The following CCSER1 variants were observed in gnomAD, a reference collection of about 807,000 sequenced individuals.
CCSER1 encodes serine-rich coiled-coil domain-containing protein 1.
Under a neutral mutation model 82.0 loss-of-function variants are expected in CCSER1, and 41 were observed. The ratio of observed to expected loss-of-function variants is 0.50; its 90% CI spans 0.39 to 0.65. The LOEUF is 0.65. Ranked by LOEUF, CCSER1 falls within the 30% of genes least tolerant of loss-of-function variation. CCSER1 has a pLI of 0.00. For missense variants in CCSER1, 1,119 were observed against 1,064.2 expected, an observed-to-expected ratio of 1.05 and a Z score of -0.72; for synonymous variants, 414 against 383.9, an observed-to-expected ratio of 1.08 and a Z score of -0.92.
intron 6 of CCSER1, among the ~76,000 whole-genome samples, chr4:90,665,751 C>G (rs1731652726): frequency 6.6e-6 from 1 of 152,134 alleles, no homozygotes; most frequent in Non-Finnish European, 1.5e-5. Flanking sequence ...CAAATTACCA[C>G]AAACCCAGAA....
At chr4:91,468,199 T>G (rs1578539574) in intron 10 of CCSER1, among the ~76,000 whole-genome samples, 1 of 152,116 alleles carries the variant, frequency 6.6e-6, no homozygotes, top group African/African-American at 2.4e-5. Flanking sequence ...CATGTCCTTT[T>G]TAGGGACATG....
intron 10 of CCSER1, among the ~76,000 whole-genome samples, chr4:91,477,131 A>AC (rs544548472): frequency 1.1e-4 from 17 of 151,850 alleles, no homozygotes; most frequent in Non-Finnish European, 2.2e-4. Context: ...TGAAGAGACA[A>AC]CCCACAGAAT....
At chr4:90,232,904 C>T (rs1162193014) in intron 1 of CCSER1, among the ~76,000 whole-genome samples, 1 of 151,388 alleles carries the variant, frequency 6.6e-6, no homozygotes, top group African/African-American at 2.4e-5. Flanking sequence ...CAGAGAAATG[C>T]AAATCAAAAC....
intron 10 of CCSER1, among the ~76,000 whole-genome samples, chr4:91,279,024 T>C (rs1378735474): frequency 2.0e-5 from 3 of 152,150 alleles, no homozygotes; most frequent in African/African-American, 7.2e-5. Context: ...GAAGGATAAA[T>C]TTGCTGTATA....
intron 8 of CCSER1, chr4:90,918,231 T>G: frequency 2.2e-6 from 1 of 455,556 alleles, no homozygotes; most frequent in Non-Finnish European, 4.4e-6. Context: ...TTATTATAGA[T>G]TCTAAAGCAA....
At position 91,582,930 on chromosome 4, in the gene CCSER1, T is replaced by C. The variant is rs536982758; in HGVS notation, c.2218-15642T>C. On this transcript the variant is annotated intron_variant, in intron 10 of 10. Coordinates refer to ENST00000509176, the MANE Select transcript of CCSER1 (RefSeq NM_001145065.2). ...CTGATCATAAGGTAATTTTTACTTA[T>C]GAGAAAATTTTAGAACTAATTTCTT... Among the ~76,000 whole-genome samples, 15 of 151,554 alleles carry C rather than the reference T, an allele frequency of 9.9e-5. No homozygotes were observed. The East Asian group carries it at 2.7e-3, about 27-fold the overall frequency.
intron 10 of CCSER1, chr4:91,319,539 A>G: frequency 5.0e-6 from 2 of 397,958 alleles, no homozygotes; most frequent in East Asian, 7.1e-5. Context: ...TGGCTAAAAT[A>G]TATGAAAAAT....
At chr4:91,214,960 ACT>A (rs1444303159) in intron 10 of CCSER1, among the ~76,000 whole-genome samples, 3 of 152,136 alleles carry the variant, frequency 2.0e-5, no homozygotes, top group South Asian at 2.1e-4. Flanking sequence ...AAATTACAAG[ACT>A]CTGAAATATC....
chr4:91,293,228 C>T (rs10440369), intron 10 of CCSER1, among the ~76,000 whole-genome samples: 79,160 of 151,616 alleles, frequency 0.52, 22,298 homozygotes, highest in African/African-American at 0.76. Flanking sequence ...CTTGTTGTAC[C>T]GGCCAACTGT....
At chr4:91,126,921 T>C (rs976036568) in intron 10 of CCSER1, among the ~76,000 whole-genome samples, 1 of 151,860 alleles carries the variant, frequency 6.6e-6, no homozygotes, top group Non-Finnish European at 1.5e-5. Context: ...GTGGACAGGA[T>C]TGGTTTTTCA....
intron 1 of CCSER1, among the ~76,000 whole-genome samples, chr4:90,257,283 C>A (rs1723499714): frequency 6.6e-6 from 1 of 151,896 alleles, no homozygotes; most frequent in Non-Finnish European, 1.5e-5. Flanking sequence ...AAATACTATT[C>A]ATCAAAAATG....
intron 1 of CCSER1, among the ~76,000 whole-genome samples, chr4:90,205,983 G>T (rs151118864): frequency 2.0e-5 from 3 of 152,010 alleles, no homozygotes; most frequent in Admixed American, 6.6e-5. Flanking sequence ...GTTTATTTGC[G>T]TAGGGGTGTT....
At chr4:90,898,743 G>A (rs1035647541) in intron 8 of CCSER1, among the ~76,000 whole-genome samples, 1 of 151,968 alleles carries the variant, frequency 6.6e-6, no homozygotes, top group African/African-American at 2.4e-5. Context: ...CTTGGTTGAA[G>A]ATTAGTTCAT....
At chr4:90,515,199 T>G (rs1210900401) in intron 5 of CCSER1, among the ~76,000 whole-genome samples, 1 of 152,220 alleles carries the variant, frequency 6.6e-6, no homozygotes, top group Non-Finnish European at 1.5e-5. Context: ...TATTTCTATA[T>G]CCACACTACA....
chr4:90,586,485 G>A (rs1037882188), intron 5 of CCSER1, among the ~76,000 whole-genome samples: 12 of 152,032 alleles, frequency 7.9e-5, no homozygotes, highest in African/African-American at 2.4e-4. Context: ...TAATTAATGC[G>A]AGAATCAGAA....
intron 1 of CCSER1, among the ~76,000 whole-genome samples, chr4:90,283,100 G>A (rs1729164621): frequency 6.6e-6 from 1 of 151,912 alleles, no homozygotes; most frequent in Admixed American, 6.6e-5. Flanking sequence ...ATGAAACAGA[G>A]GGGGACCGTT....
At chr4:90,775,888 A>G (rs562027539) in intron 7 of CCSER1, among the ~76,000 whole-genome samples, 1 of 151,804 alleles carries the variant, frequency 6.6e-6, no homozygotes, top group Non-Finnish European at 1.5e-5. Context: ...CTCCCAATCT[A>G]GAATCAACTA....
chr4:90,184,995 C>T (rs1734353844), intron 1 of CCSER1, among the ~76,000 whole-genome samples: 1 of 152,024 alleles, frequency 6.6e-6, no homozygotes, highest in African/African-American at 2.4e-5. Context: ...TTTGGATTAC[C>T]TTGACCTAGG....
At chr4:90,312,132 A>T (rs1735394441) in intron 2 of CCSER1, among the ~76,000 whole-genome samples, 1 of 152,246 alleles carries the variant, frequency 6.6e-6, no homozygotes, top group Admixed American at 6.5e-5. Context: ...ATAATAAGTC[A>T]TACAGATATT....
Sources: allele counts gnomAD v4.1 joint callset (sites outside exome capture counted in the v4.1 genomes callset), GRCh38; gene constraint gnomAD v4.1.1; transcripts MANE v1.5; gene names NCBI Gene and HGNC (gene_info 2026-07-23, HGNC 2026-07-21).